ANKRD50: variants seen among roughly 807,000 people sequenced by gnomAD.
ANKRD50 encodes the protein ankyrin repeat domain 50, also known as ankyrin repeat domain-containing protein 50.
In ANKRD50, 40 loss-of-function variants were observed where a neutral mutation model predicts 112.0. The observed-to-expected ratio is 0.36, with a 90% CI of 0.28 to 0.46. The LOEUF (loss-of-function observed/expected upper bound fraction) is 0.46, where lower values mean the gene tolerates loss of function less well. ANKRD50 is among the 20% of genes least tolerant of loss of function. The pLI is 1.00. For missense variants in ANKRD50, 1,487 were observed against 1,701.7 expected (o/e 0.87, Z 2.22); for synonymous variants, 613 against 619.1 (o/e 0.99, Z 0.15).
intron 2 of ANKRD50, among the ~76,000 whole-genome samples, chr4:124,680,976 A>C (rs575930992): frequency 6.6e-6 from 1 of 152,330 alleles, no homozygotes; most frequent in South Asian, 2.1e-4. Flanking sequence ...ATTATTATAA[A>C]TTGTGGGCTT....
chr4:124,678,954 G>A (rs766971275), intron 2 of ANKRD50, 49 bp from the exon 3 acceptor site: 2 of 1,329,378 alleles, frequency 1.5e-6, no homozygotes, highest in Non-Finnish European at 2.1e-6. Context: ...TGGCTATGAT[G>A]TTAAGATTTA....
At chr4:124,702,740 A>C (rs1006019785) in intron 2 of ANKRD50, among the ~76,000 whole-genome samples, 4 of 152,176 alleles carry the variant, frequency 2.6e-5, no homozygotes, top group Non-Finnish European at 5.9e-5. Context: ...GGTGTGTTCT[A>C]AACATGTATT....
rs1405053391 is a variant in ANKRD50 at position 124,672,317 on chromosome 4, T to A, written c.960A>T (p.Leu320Phe). 6.2e-6 allele frequency: 10 copies of A among 1,613,418 alleles called. No homozygotes were observed. The highest frequency in any genetic ancestry group is 8.5e-6 in the Non-Finnish European group (10 of 1,179,730). ...TTCCTGGGATGTCACGAATTTCTCT[T>A]AACATAATAAAATTTTCTACAACTC... is the stretch of plus-strand genomic sequence containing the variant. The part of the protein sequence containing the change: ...LDGVVENFIM[L>F]REIRDIPGTL... The change falls in exon 4 of 5, where the codon TTA becomes TTT. Residue 320 changes from leucine to phenylalanine, a missense_variant. This residue lies in a region of ANKRD50 where 1,046 missense variants were observed against 1,269.5 expected (regional missense o/e 0.82). Transcript: ENST00000504087.
At chr4:124,695,089 A>G (rs1008818837) in intron 2 of ANKRD50, among the ~76,000 whole-genome samples, 1 of 152,218 alleles carries the variant, frequency 6.6e-6, no homozygotes, top group South Asian at 2.1e-4. Context: ...AGCCAGAGAA[A>G]TCTTGTTTAT....
Position 124,670,317 on chromosome 4 carries a change from C to G in ANKRD50, c.2960G>C (p.Cys987Ser). 6.2e-7 allele frequency: 1 copy of G among 1,613,962 alleles called. No individual in the cohort carries two copies. Among genetic ancestry groups the G allele is most frequent in the Non-Finnish European group, 8.5e-7 (1 of 1,179,904 alleles). The change falls in exon 4 of 5, where the codon TGT (cysteine) becomes TCT (serine). Residue 987 changes from cysteine (C) to serine (S), a missense_variant. Physicochemically the swap from Cys to Ser is moderately radical, Grantham distance 112 (BLOSUM62 -1). Coordinates refer to ENST00000504087, the MANE Select transcript of ANKRD50 (RefSeq NM_020337.3). ...CACCATTTCCATATGGCCTTGCCAA[C>G]AAGACACATGAAGTGCTGTCCTTCC... ...AEGRTALHVS[C>S]WQGHMEMVQV...
chr4:124,710,326 A>G lies in ANKRD50; in HGVS notation c.186T>C (p.Ser62=), dbSNP rs1220548671. 1 of 1,614,200 alleles carries G rather than the reference A, an allele frequency of 6.2e-7. No homozygotes were observed. The highest frequency in any genetic ancestry group is 8.5e-7 in the Non-Finnish European group (1 of 1,180,032). ...AGGCAGCTCCCTTTCCAGAGACACC[A>G]CTAGCATTATTCCCAGAATTCATTA... ...SLVMNSGNNA[S]GVSGKGAAWG... is the part of the protein sequence containing the mutation. Residue 62 remains serine, a synonymous_variant, in exon 2 of 5, where the codon AGT becomes AGC. Transcript: ENST00000504087.
At chr4:124,704,557 C>T (rs1159784281) in intron 2 of ANKRD50, among the ~76,000 whole-genome samples, 2 of 152,214 alleles carry the variant, frequency 1.3e-5, no homozygotes, top group South Asian at 4.1e-4. Context: ...TGACCTAAAT[C>T]ACATAACATT....
At position 124,669,727 on chromosome 4, in the gene ANKRD50, G is replaced by A; in HGVS notation, c.3550C>T (p.Leu1184=). Residue 1184 remains leucine (L), a synonymous_variant, in exon 4 of 5, where the codon CTG becomes TTG. Coordinates refer to ENST00000504087, the MANE Select transcript of ANKRD50 (RefSeq NM_020337.3). ...RQKSSLSNNS[L]KSSKNSSLRT... ...AAAGATGAATTTTTTGAGCTTTTCAGGGAATTATTTGACAGTGATGACTTC... is the reference window on the plus strand; with the variant it reads ...AAAGATGAATTTTTTGAGCTTTTCAAGGAATTATTTGACAGTGATGACTTC... 6.2e-7 allele frequency: 1 copy of A among 1,613,344 alleles called. No homozygotes were observed. Among genetic ancestry groups the A allele is most frequent in the Non-Finnish European group, 8.5e-7 (1 of 1,179,746 alleles).
intron 2 of ANKRD50, among the ~76,000 whole-genome samples, chr4:124,685,087 T>C (rs1032590298): frequency 6.6e-6 from 1 of 152,206 alleles, no homozygotes; most frequent in Non-Finnish European, 1.5e-5. Flanking sequence ...GTAGCATTTA[T>C]CACATTCTTA....
chr4:124,687,936 T>C (rs1725045120), intron 2 of ANKRD50, among the ~76,000 whole-genome samples: 1 of 152,184 alleles, frequency 6.6e-6, no homozygotes, highest in Non-Finnish European at 1.5e-5. Flanking sequence ...CTGACAGGTT[T>C]CTAAAAAAGT....
Position 124,664,723 on chromosome 4 carries a change from A to G in ANKRD50, c.*2795T>C, listed in dbSNP as rs1730449003. The G allele has an allele frequency of 6.6e-6, 1 of 152,352 alleles. No individual in the cohort carries two copies. Among genetic ancestry groups the G allele is most frequent in the Admixed American group, 6.6e-5 (1 of 15,246 alleles). 9.4% of individuals were successfully genotyped at this position (152,352 alleles called of 1,614,324 possible). A position where few individuals can be genotyped will look rare whatever the true frequency, so the allele number is the denominator to read the frequency against. ...CAAATATTTGCATAGCCAAAACAATATTGAGAAAAGTATTTACTTCTGTTT... is the reference window on the plus strand; with the variant it reads ...CAAATATTTGCATAGCCAAAACAATGTTGAGAAAAGTATTTACTTCTGTTT... On this transcript the variant is annotated 3_prime_UTR_variant, in exon 5 of 5. Coordinates refer to ENST00000504087, the MANE Select transcript of ANKRD50 (RefSeq NM_020337.3).
At chr4:124,709,602 A>G (rs144348320) in intron 2 of ANKRD50, among the ~76,000 whole-genome samples, 65 of 152,144 alleles carry the variant, frequency 4.3e-4, no homozygotes, top group African/African-American at 1.5e-3. Context: ...TACTACTATA[A>G]GGAAAAAAAT....
At chr4:124,684,544 G>A (rs1724962458) in intron 2 of ANKRD50, among the ~76,000 whole-genome samples, 1 of 152,104 alleles carries the variant, frequency 6.6e-6, no homozygotes, top group African/African-American at 2.4e-5. Context: ...CTGGGTCCAG[G>A]AAACTGCTAC....
chr4:124,681,571 C>T (rs1399724147), intron 2 of ANKRD50, among the ~76,000 whole-genome samples: 1 of 152,150 alleles, frequency 6.6e-6, no homozygotes, highest in East Asian at 1.9e-4. Context: ...ACTGACTAGC[C>T]ATAACCAATA....
In ANKRD50 at chr4:124,669,429, C is replaced by T. The variant is rs868546287; in HGVS notation, c.3848G>A (p.Gly1283Glu). The T allele has an allele frequency of 3.1e-6, 5 of 1,612,304 alleles. No homozygotes were observed. In the Middle Eastern group the frequency reaches 8.3e-4, roughly 266 times the overall value. ...AGAATTACTTTGTTTCGCTTTTTTC[C>T]CAGCTGATCCAGACTTGGCAGAATT... is the stretch of plus-strand genomic sequence containing the variant. ...SENSAKSGSA[G>E]KKAKQSNSSQ... Residue 1283 changes from glycine to glutamate, a missense_variant, in exon 4 of 5, where the codon GGG (glycine) becomes GAG (glutamate). This residue lies in a region of ANKRD50 where 441 missense variants were observed against 432.2 expected (regional missense o/e 1.02). Coordinates refer to ENST00000504087, the MANE Select transcript of ANKRD50 (RefSeq NM_020337.3).
At chr4:124,688,612 G>A (rs1017801361) in intron 2 of ANKRD50, among the ~76,000 whole-genome samples, 2 of 152,312 alleles carry the variant, frequency 1.3e-5, no homozygotes, top group South Asian at 4.1e-4. Context: ...GAACTCAGGA[G>A]ACTAACTATG....
At chr4:124,706,086 T>G (rs2110528966) in intron 2 of ANKRD50, among the ~76,000 whole-genome samples, 1 of 152,258 alleles carries the variant, frequency 6.6e-6, no homozygotes, top group African/African-American at 2.4e-5. Flanking sequence ...AACAAGTATT[T>G]ACTCTGATGG....
At chr4:124,699,316 A>G (rs1467386098) in intron 2 of ANKRD50, among the ~76,000 whole-genome samples, 1 of 151,770 alleles carries the variant, frequency 6.6e-6, no homozygotes, top group African/African-American at 2.4e-5. Flanking sequence ...ACTTTCCCGT[A>G]TCACTGAAAT....
At chr4:124,694,735 G>A (rs1017479039) in intron 2 of ANKRD50, among the ~76,000 whole-genome samples, 6 of 152,092 alleles carry the variant, frequency 3.9e-5, no homozygotes, top group Non-Finnish European at 8.8e-5. Context: ...TTACAAAATC[G>A]TTAGTATCAG....
Sources: gnomAD v4.1 joint callset for allele counts (sites outside exome capture counted in the v4.1 genomes callset) on GRCh38, gnomAD v4.1.1 for gene constraint, gnomAD v4.1.1 regional missense constraint, MANE v1.5 for transcripts, NCBI Gene and HGNC (gene_info 2026-07-23, HGNC 2026-07-21) for gene names.